The following ZFHX3 variants were observed in gnomAD, a reference collection of about 807,000 sequenced individuals.
ZFHX3 encodes zinc finger homeobox 3.
In ZFHX3, 42 loss-of-function variants were observed where a neutral mutation model predicts 279.1. The observed-to-expected ratio is 0.15, with a 90% CI of 0.12 to 0.19. The LOEUF (loss-of-function observed/expected upper bound fraction) is 0.19. Among genes scored for constraint, ZFHX3 ranks in the 10% least tolerant of loss-of-function variants. The probability of loss-of-function intolerance (pLI) is 1.00; values close to 1 mark genes in which losing one functional copy is unlikely to be tolerated. For synonymous variants in ZFHX3, 2,293 were observed against 1,957.8 expected (o/e 1.17, Z -4.52); for missense variants, 4,981 against 4,754.0 (o/e 1.05, Z -1.40).
chr16:72,855,889 G>A (rs752104182), intron 4 of ZFHX3, among the ~76,000 whole-genome samples: 4 of 152,146 alleles, frequency 2.6e-5, no homozygotes, highest in African/African-American at 4.8e-5. Context: ...GGCAAGAAAC[G>A]CCAACTGCCA....
chr16:73,413,064 GA>G (rs2017501853), intron 3 of ZFHX3, among the ~76,000 whole-genome samples: 1 of 152,228 alleles, frequency 6.6e-6, no homozygotes, highest in African/African-American at 2.4e-5. Context: ...TGTTGGGCAC[GA>G]AGGTGGAAAT....
chr16:73,492,634 C>T (rs983756180), intron 2 of ZFHX3, among the ~76,000 whole-genome samples: 1 of 152,208 alleles, frequency 6.6e-6, no homozygotes, highest in Non-Finnish European at 1.5e-5. Flanking sequence ...CTCCCCCTTA[C>T]AAAGTGGTCT....
chr16:73,020,820 C>T (rs1321025867), intron 1 of ZFHX3, among the ~76,000 whole-genome samples: 2 of 152,144 alleles, frequency 1.3e-5, no homozygotes, highest in African/African-American at 4.8e-5. Flanking sequence ...CTGAGTAAAA[C>T]GTTATGCAGC....
intron 1 of ZFHX3, among the ~76,000 whole-genome samples, chr16:73,708,341 G>T (rs753008330): frequency 2.0e-5 from 3 of 152,132 alleles, no homozygotes; most frequent in African/African-American, 4.8e-5. Flanking sequence ...ATACACCGCT[G>T]ATGTAAAACA....
At chr16:73,643,369 C>T (rs1057495223) in intron 2 of ZFHX3, among the ~76,000 whole-genome samples, 1 of 152,154 alleles carries the variant, frequency 6.6e-6, no homozygotes, top group African/African-American at 2.4e-5. Flanking sequence ...GCTCAATTAT[C>T]ATAAAATGTA....
intron 2 of ZFHX3, among the ~76,000 whole-genome samples, chr16:73,641,428 G>T (rs970945127): frequency 2.6e-5 from 4 of 152,120 alleles, no homozygotes; most frequent in African/African-American, 9.7e-5. Flanking sequence ...CTTACATATT[G>T]TCCCACAGAT....
At chr16:73,156,844 G>T (rs1967097669) in intron 5 of ZFHX3, among the ~76,000 whole-genome samples, 1 of 152,064 alleles carries the variant, frequency 6.6e-6, no homozygotes, top group Non-Finnish European at 1.5e-5. Context: ...CTCCCGAGTA[G>T]CTGGGATTAC....
At chr16:73,543,738 C>T (rs966566622) in intron 2 of ZFHX3, among the ~76,000 whole-genome samples, 4 of 151,906 alleles carry the variant, frequency 2.6e-5, no homozygotes, top group African/African-American at 9.7e-5. Context: ...CTTCTCCTCC[C>T]AGCTTCTCTA....
At position 72,787,717 on chromosome 16, in the gene ZFHX3, C is replaced by T. The variant is rs936692158; in HGVS notation, c.10559G>A (p.Gly3520Asp). 1 of 1,372,028 alleles carries T rather than the reference C, an allele frequency of 7.3e-7. No homozygotes were observed. Among genetic ancestry groups the T allele is most frequent in the Non-Finnish European group, 9.5e-7 (1 of 1,049,918 alleles). 85.0% of individuals were successfully genotyped at this position (1,372,028 alleles called of 1,614,324 possible). ...CGAGCCGCCGCCGCCGCCGCCGCCG[C>T]CACCGCCGCCGCCGCCGCCACTGCC... The part of the protein sequence containing the change: ...GGGSGGGGGG[G>D]GGGGGGGSYH... The change falls in exon 10 of 10, where the codon GGC becomes GAC. Residue 3520 changes from glycine to aspartate, a missense_variant. Physicochemically the swap from Gly to Asp is moderately conservative, Grantham distance 94 (BLOSUM62 -1). Around this residue, in one of 7 missense-constraint regions of ZFHX3, gnomAD observed 1,034 missense variants for 786.0 expected, o/e 1.32. Transcript: ENST00000268489.
At chr16:73,840,366 T>C (rs907478172) in intron 1 of ZFHX3, among the ~76,000 whole-genome samples, 6 of 152,162 alleles carry the variant, frequency 3.9e-5, no homozygotes, top group Non-Finnish European at 7.4e-5. Flanking sequence ...ACCACCCCTT[T>C]AATGGTTCAT....
intron 1 of ZFHX3, among the ~76,000 whole-genome samples, chr16:73,790,358 T>A (rs933017101): frequency 3.3e-5 from 5 of 152,134 alleles, no homozygotes; most frequent in Admixed American, 3.3e-4. Context: ...CAACATATAT[T>A]CTTGCATCTG....
chr16:73,004,159 C>CTTTTTTTTTTTTTTTTTTTTTTTTTTT lies in ZFHX3; in HGVS notation c.-50+43592_-50+43593insAAAAAAAAAAAAAAAAAAAAAAAAAAA, dbSNP rs3081625. Among the ~76,000 whole-genome samples the CTTTTTTTTTTTTTTTTTTTTTTTTTTT allele has an allele frequency of 2.6e-4, 13 of 49,370 alleles. 4 individuals are homozygous for CTTTTTTTTTTTTTTTTTTTTTTTTTTT. The highest frequency in any genetic ancestry group is 3.6e-4 in the Non-Finnish European group (11 of 30,710). The allele number at this position is 49,370 out of a possible 152,430, so 32.4% of individuals were successfully genotyped here. A position where few individuals can be genotyped will look rare whatever the true frequency, so the allele number is the denominator to read the frequency against. On this transcript the variant is annotated intron_variant, in intron 1 of 9. Coordinates refer to ENST00000268489, the MANE Select transcript of ZFHX3 (RefSeq NM_006885.4). The stretch of plus-strand genomic sequence containing the variant: ...CAATAATAACTACATAAAAACACGA[C>CTTTTTTTTTTTTTTTTTTTTTTTTTTT]TTTTTTTTTTTTTTTTTTTTTTTTT...
chr16:72,966,659 C>A (rs1018171675), intron 1 of ZFHX3, among the ~76,000 whole-genome samples: 5 of 152,176 alleles, frequency 3.3e-5, no homozygotes. Flanking sequence ...GCTGAACACA[C>A]ACACCATTCA....
At chr16:72,921,523 TC>T (rs1317638887) in intron 3 of ZFHX3, among the ~76,000 whole-genome samples, 1 of 152,132 alleles carries the variant, frequency 6.6e-6, no homozygotes, top group Non-Finnish European at 1.5e-5. Flanking sequence ...CAGAAAACAA[TC>T]AGAGGGAATC....
At chr16:73,024,757 T>C (rs1156545506) in intron 1 of ZFHX3, among the ~76,000 whole-genome samples, 1 of 152,176 alleles carries the variant, frequency 6.6e-6, no homozygotes, top group East Asian at 1.9e-4. Context: ...AGGTTGGCTA[T>C]GTAAAAACAC....
At chr16:72,851,893 T>C (rs2037628155) in intron 4 of ZFHX3, among the ~76,000 whole-genome samples, 1 of 152,190 alleles carries the variant, frequency 6.6e-6, no homozygotes, top group Non-Finnish European at 1.5e-5. Context: ...CATGCTCAAA[T>C]GTGATATATG....
intron 2 of ZFHX3, among the ~76,000 whole-genome samples, chr16:73,581,509 C>T (rs76487611): frequency 0.028 from 4,259 of 151,562 alleles, 278 homozygotes; most frequent in African/African-American, 0.098. Flanking sequence ...TCAGATAGGT[C>T]CTAAGAATCA....
chr16:73,698,321 G>T (rs938446282), intron 1 of ZFHX3, among the ~76,000 whole-genome samples: 2 of 152,156 alleles, frequency 1.3e-5, no homozygotes, highest in Non-Finnish European at 2.9e-5. Flanking sequence ...ATTACTTAAT[G>T]TGGAAGAAAT....
At chr16:73,877,864 G>T (rs557496832) in intron 1 of ZFHX3, among the ~76,000 whole-genome samples, 1 of 151,972 alleles carries the variant, frequency 6.6e-6, no homozygotes, top group African/African-American at 2.4e-5. Context: ...CACAAACATG[G>T]TGATTTCATC....
Sources: allele counts gnomAD v4.1 joint callset (sites outside exome capture counted in the v4.1 genomes callset), GRCh38; gene constraint gnomAD v4.1.1; regional missense constraint gnomAD v4.1.1; transcripts MANE v1.5; gene names NCBI Gene and HGNC (gene_info 2026-07-23, HGNC 2026-07-21).